SELP: variants seen among roughly 807,000 people sequenced by gnomAD.
SELP encodes P-selectin.
SELP carries 92 observed loss-of-function variants against 104.1 expected under a neutral mutation model. That is an observed-to-expected ratio of 0.88 (90% CI 0.75 to 1.05). SELP has a LOEUF of 1.05. Among genes scored for constraint, SELP ranks in the 50% least tolerant of loss-of-function variants. The pLI, the probability that SELP is intolerant of heterozygous loss-of-function variation, is 0.00. For missense variants in SELP, 1,022 were observed against 1,017.3 expected (o/e 1.00, Z -0.06); for synonymous variants, 397 against 364.5 (o/e 1.09, Z -1.01).
intron 10 of SELP, among the ~76,000 whole-genome samples, chr1:169,598,427 G>C (rs1661736629): frequency 6.6e-6 from 1 of 152,072 alleles, no homozygotes; most frequent in Admixed American, 6.5e-5. Context: ...TTTACATACT[G>C]GCCCATGTAT....
intron 12 of SELP, 120 bp downstream of exon 12, chr1:169,595,805 G>A (rs1661574940): frequency 1.2e-6 from 1 of 806,732 alleles, no homozygotes; most frequent in Non-Finnish European, 2.1e-6. Flanking sequence ...GATTTCATAA[G>A]GGAGATGACA....
intron 10 of SELP, among the ~76,000 whole-genome samples, chr1:169,602,203 C>T (rs1001832943): frequency 7.9e-5 from 12 of 152,140 alleles, no homozygotes; most frequent in Non-Finnish European, 1.5e-4. Flanking sequence ...TGTCTAGCTG[C>T]TGCAGGGGGT....
At chr1:169,629,116 C>T (rs912320595) in intron 1 of SELP, among the ~76,000 whole-genome samples, 4 of 152,196 alleles carry the variant, frequency 2.6e-5, no homozygotes, top group Non-Finnish European at 2.9e-5. Context: ...CTTGGAAAGT[C>T]TGAGGAAAAT....
chr1:169,601,234 A>G (rs1661896647), intron 10 of SELP, among the ~76,000 whole-genome samples: 1 of 152,212 alleles, frequency 6.6e-6, no homozygotes, highest in Non-Finnish European at 1.5e-5. Flanking sequence ...CATGTTCTAG[A>G]ATTCTCAGGG....
chr1:169,611,766 C>A, intron 6 of SELP, 89 bp from the exon 7 acceptor site: 1 of 1,291,766 alleles, frequency 7.7e-7, no homozygotes, highest in East Asian at 2.3e-5. Flanking sequence ...CTCTGAAATG[C>A]AGGTGGAGCT....
In SELP at chr1:169,591,468, A is replaced by G. The variant is rs774310180; in HGVS notation, c.2408-12T>C. 4 of 1,561,552 alleles carry G rather than the reference A, an allele frequency of 2.6e-6. No homozygotes were observed. The East Asian group carries it at 6.9e-5, about 27-fold the overall frequency. On this transcript the variant is annotated splice_polypyrimidine_tract_variant and intron_variant, in intron 14 of 16. Transcript: ENST00000263686. ...GCATTTCCCATCATCTAAAATCAGC[A>G]AGAAGACAAGAATGAATGATTAAAA...
chr1:169,611,362 T>C, intron 7 of SELP, 130 bp downstream of exon 7: 2 of 858,472 alleles, frequency 2.3e-6, no homozygotes, highest in East Asian at 2.6e-5. Flanking sequence ...CCATGGTTCC[T>C]GGAGGTTGAA....
At chr1:169,589,905 A>AATAT (rs1661268281) in intron 16 of SELP, among the ~76,000 whole-genome samples, 1 of 152,226 alleles carries the variant, frequency 6.6e-6, no homozygotes, top group South Asian at 2.1e-4. Context: ...CACATCCTGA[A>AATAT]ATAAGTTATG....
chr1:169,617,160 A>G lies in SELP; in HGVS notation c.349T>C (p.Trp117Arg). 6.2e-7 allele frequency: 1 copy of G among 1,614,054 alleles called. No homozygotes were observed. Among genetic ancestry groups the G allele is most frequent in the Non-Finnish European group, 8.5e-7 (1 of 1,180,012 alleles). ...TTGTTGTTAGGTTCATTATCAGCCCAGTTCTCAGCCTCGTTGGTGAGAGCC... is the reference window on the plus strand; with the variant it reads ...TTGTTGTTAGGTTCATTATCAGCCCGGTTCTCAGCCTCGTTGGTGAGAGCC... The part of the protein sequence containing the change: ...KKALTNEAEN[W>R]ADNEPNNKRN... The change falls in exon 3 of 17, where the codon TGG becomes CGG. Residue 117 changes from tryptophan to arginine, a missense_variant. Trp to Arg is a moderately radical substitution (Grantham distance 101, BLOSUM62 -3). Coordinates refer to ENST00000263686, the MANE Select transcript of SELP (RefSeq NM_003005.4).
At chr1:169,603,912 C>A (rs1247427871) in intron 9 of SELP, among the ~76,000 whole-genome samples, 1 of 152,186 alleles carries the variant, frequency 6.6e-6, no homozygotes, top group Non-Finnish European at 1.5e-5. Flanking sequence ...AATAAACATA[C>A]CTGTGCATGT....
intron 8 of SELP, among the ~76,000 whole-genome samples, chr1:169,607,904 G>A (rs1027900063): frequency 6.6e-6 from 1 of 152,122 alleles, no homozygotes; most frequent in Non-Finnish European, 1.5e-5. Context: ...GGCCTATGAA[G>A]GGGGTTAGTG....
chr1:169,625,564 G>C (rs1352310841), intron 1 of SELP, among the ~76,000 whole-genome samples: 1 of 152,220 alleles, frequency 6.6e-6, no homozygotes, highest in Non-Finnish European at 1.5e-5. Context: ...ACTGACAGAG[G>C]CTTCTCAAGG....
intron 8 of SELP, among the ~76,000 whole-genome samples, chr1:169,608,949 A>G (rs1384418873): frequency 6.6e-6 from 1 of 152,184 alleles, no homozygotes; most frequent in Non-Finnish European, 1.5e-5. Context: ...AAAGAGGATC[A>G]TTTTGTCAAA....
rs537113553 is a variant in SELP, at chr1:169,598,097, A to T, written c.1706-921T>A. 2.1e-4 allele frequency among the ~76,000 whole-genome samples: 32 copies of T among 152,322 alleles called. 1 individual carries two copies. The stretch of plus-strand genomic sequence containing the variant: ...TCTCAAGAGGCAGTGCTCAGTAACC[A>T]CTTGCCAAGTGAATGAATAAATGAA... On this transcript the variant is annotated intron_variant, in intron 10 of 16. Coordinates refer to ENST00000263686, the MANE Select transcript of SELP (RefSeq NM_003005.4).
At chr1:169,625,136 C>T (rs1384465429) in intron 1 of SELP, among the ~76,000 whole-genome samples, 1 of 152,134 alleles carries the variant, frequency 6.6e-6, no homozygotes, top group African/African-American at 2.4e-5. Flanking sequence ...ATCAAAGTGT[C>T]CCTGCAAACT....
chr1:169,601,073 A>G lies in SELP; in HGVS notation c.1705+1953T>C, dbSNP rs1661886859. ...GGTTGCCTACATGATTTAAAATGTGAATGAGATTTTTAAAGGTTTTTTTAA... is the reference window on the plus strand; with the variant it reads ...GGTTGCCTACATGATTTAAAATGTGGATGAGATTTTTAAAGGTTTTTTTAA... On this transcript the variant is annotated intron_variant, in intron 10 of 16. Transcript: ENST00000263686. Among the ~76,000 whole-genome samples the G allele has an allele frequency of 2.0e-5, 3 of 152,204 alleles. No homozygotes were observed. The South Asian group carries it at 6.2e-4, about 32-fold the overall frequency.
In SELP at chr1:169,596,885, G is replaced by A. The variant is rs936668765; in HGVS notation, c.1891+106C>T. On this transcript the variant is annotated intron_variant, in intron 11 of 16. Coordinates refer to ENST00000263686, the MANE Select transcript of SELP (RefSeq NM_003005.4). ...AGCTGTTTGCTAAACCCAAATAATG[G>A]TAATATATACAATTATCTAGTTCAC... The A allele has an allele frequency of 7.2e-6, 7 of 970,044 alleles. No individual in the cohort carries two copies. The African/African-American group carries it at 1.2e-4, about 17-fold the overall frequency. 60.1% of individuals were successfully genotyped at this position (970,044 alleles called of 1,614,324 possible).
Position 169,606,981 on chromosome 1 carries a change from C to T in SELP, c.1487G>A (p.Gly496Glu), listed in dbSNP as rs781651444. ...GASVLQCLAT[G>E]NWNSVPPECQ... The stretch of plus-strand genomic sequence containing the variant: ...TTCTGGAGGAACAGAATTCCAGTTT[C>T]CAGTAGCCAAGCACTGTAGCACACT... Residue 496 changes from glycine (G) to glutamate (E), a missense_variant, in exon 9 of 17, where the codon GGA becomes GAA. Gly to Glu is a moderately conservative substitution (Grantham distance 98, BLOSUM62 -2). Coordinates refer to ENST00000263686, the MANE Select transcript of SELP (RefSeq NM_003005.4). 10 of 1,613,466 alleles carry T rather than the reference C, an allele frequency of 6.2e-6. No individual in the cohort carries two copies. In the South Asian group the frequency reaches 1.1e-4, roughly 18 times the overall value.
At chr1:169,619,537 T>C (rs1662988045) in intron 1 of SELP, among the ~76,000 whole-genome samples, 1 of 152,234 alleles carries the variant, frequency 6.6e-6, no homozygotes, top group Non-Finnish European at 1.5e-5. Flanking sequence ...AACACATTAA[T>C]ATGGCTGTCA....
Sources: allele counts gnomAD v4.1 joint callset (sites outside exome capture counted in the v4.1 genomes callset), GRCh38; gene constraint gnomAD v4.1.1; transcripts MANE v1.5; gene names NCBI Gene and HGNC (gene_info 2026-07-23, HGNC 2026-07-21).